Variants in GRIP1 observed in about 807,000 individuals in gnomAD.
GRIP1 encodes glutamate receptor interacting protein 1, also known as glutamate receptor-interacting protein 1.
Under a neutral mutation model 129.9 loss-of-function variants are expected in GRIP1, and 45 were observed. The observed-to-expected ratio is 0.35, with a 90% CI of 0.27 to 0.44. The LOEUF is 0.44. Among genes scored for constraint, GRIP1 ranks in the 20% least tolerant of loss-of-function variants. The pLI, the probability that GRIP1 is intolerant of heterozygous loss-of-function variation, is 1.00. For missense variants in GRIP1, 1,196 were observed against 1,396.8 expected (o/e 0.86, Z 2.29); for synonymous variants, 530 against 520.8 (o/e 1.02, Z -0.24).
chr12:66,946,094 A>G (rs1197844491), intron 1 of GRIP1, among the ~76,000 whole-genome samples: 1 of 152,212 alleles, frequency 6.6e-6, no homozygotes, highest in Non-Finnish European at 1.5e-5. Context: ...AGCACTGCCC[A>G]GTCAACAACT....
chr12:66,867,242 G>T (rs569163755), intron 1 of GRIP1, among the ~76,000 whole-genome samples: 4 of 152,102 alleles, frequency 2.6e-5, no homozygotes, highest in Non-Finnish European at 5.9e-5. Context: ...GCCCGCCTCA[G>T]CCTCCCAAAG....
chr12:66,734,644 TAAAC>T (rs1208737864), intron 1 of GRIP1, among the ~76,000 whole-genome samples: 3 of 152,170 alleles, frequency 2.0e-5, no homozygotes, highest in African/African-American at 7.2e-5. Flanking sequence ...TATTTTAAAA[TAAAC>T]AAGATATTTT....
chr12:66,903,296 ATTTTTT>A lies in GRIP1; in HGVS notation c.58+165748_58+165753del, dbSNP rs5798846. Among the ~76,000 whole-genome samples the A allele has an allele frequency of 9.7e-3, 1,391 of 143,600 alleles. 19 individuals carry two copies. Among genetic ancestry groups the A allele is most frequent in the African/African-American group, 0.033 (1,309 of 39,552 alleles). The allele number at this position is 143,600 out of a possible 152,430, so 94.2% of individuals were successfully genotyped here. A position where few individuals can be genotyped will look rare whatever the true frequency, so the allele number is the denominator to read the frequency against. On this transcript the variant is annotated intron_variant, in intron 1 of 1. Transcript: ENST00000643019. ...TGGCAGAGTGTAAACGTGCTGCAGT[ATTTTTT>A]TTTTTTTTGTAAGTTTAAAAGTCTG...
Position 66,456,719 on chromosome 12 carries a change from A to G in GRIP1, c.1043-377T>C, listed in dbSNP as rs1273234685. Reference sequence around the variant, plus strand: ...TATGGCACACAATTAGTAATTAAAGATTTGCAAATCTTGGCCAGTTAGTAG... The same window carrying G: ...TATGGCACACAATTAGTAATTAAAGGTTTGCAAATCTTGGCCAGTTAGTAG... On this transcript the variant is annotated intron_variant, in intron 9 of 24. Transcript: ENST00000359742. Among the ~76,000 whole-genome samples, 3 of 152,182 alleles carry G rather than the reference A, an allele frequency of 2.0e-5. No homozygotes were observed. The South Asian group carries it at 6.2e-4, about 32-fold the overall frequency.
intron 1 of GRIP1, among the ~76,000 whole-genome samples, chr12:66,907,977 A>C (rs1324899135): frequency 1.3e-5 from 2 of 152,116 alleles, no homozygotes; most frequent in Non-Finnish European, 2.9e-5. Flanking sequence ...GCATTAGCAA[A>C]ATTGGGTTAC....
chr12:66,980,486 C>T (rs1238806062), intron 1 of GRIP1, among the ~76,000 whole-genome samples: 1 of 152,162 alleles, frequency 6.6e-6, no homozygotes, highest in East Asian at 1.9e-4. Flanking sequence ...TGGCACACGT[C>T]TGTAGTCCCA....
intron 1 of GRIP1, among the ~76,000 whole-genome samples, chr12:66,727,250 C>T (rs574615349): frequency 6.6e-6 from 1 of 152,328 alleles, no homozygotes; most frequent in East Asian, 1.9e-4. Flanking sequence ...CAGCTCTGTA[C>T]CCATACCATG....
At chr12:66,525,167 C>G (rs1394147775) in intron 5 of GRIP1, among the ~76,000 whole-genome samples, 1 of 152,174 alleles carries the variant, frequency 6.6e-6, no homozygotes, top group African/African-American at 2.4e-5. Context: ...GGAATCCTCC[C>G]TAACTCAATT....
chr12:66,753,803 G>GA (rs2037201242), intron 1 of GRIP1, among the ~76,000 whole-genome samples: 1 of 152,184 alleles, frequency 6.6e-6, no homozygotes, highest in Admixed American at 6.5e-5. Flanking sequence ...GACACTCAAT[G>GA]AATGTTTACT....
chr12:67,027,603 G>A (rs930635891), intron 1 of GRIP1, among the ~76,000 whole-genome samples: 17 of 152,304 alleles, frequency 1.1e-4, no homozygotes, highest in African/African-American at 4.1e-4. Flanking sequence ...ATGATTAGAA[G>A]CACAGAGTGC....
chr12:66,356,573 G>A (rs987618841), intron 23 of GRIP1, among the ~76,000 whole-genome samples: 2 of 152,192 alleles, frequency 1.3e-5, no homozygotes, highest in South Asian at 4.2e-4. Context: ...ACATATTCTA[G>A]AGTAGAGAGG....
chr12:66,483,126 A>G (rs2059852829), intron 7 of GRIP1, among the ~76,000 whole-genome samples: 1 of 152,172 alleles, frequency 6.6e-6, no homozygotes, highest in Admixed American at 6.5e-5. Context: ...GGGGTAGTGG[A>G]AAGGCTGTGC....
chr12:66,575,700 T>A (rs1434780921), intron 2 of GRIP1, among the ~76,000 whole-genome samples: 1 of 152,158 alleles, frequency 6.6e-6, no homozygotes, highest in Non-Finnish European at 1.5e-5. Context: ...TTTTTCCAAG[T>A]TCTGTAGTCC....
At chr12:66,719,817 T>C (rs2036004641) in intron 1 of GRIP1, among the ~76,000 whole-genome samples, 2 of 152,178 alleles carry the variant, frequency 1.3e-5, no homozygotes, top group South Asian at 4.1e-4. Context: ...TATGTACAAT[T>C]TATAGACGGA....
In GRIP1 at chr12:66,347,453, G is replaced by A. The variant is rs2054017348; in HGVS notation, c.*1566C>T. On this transcript the variant is annotated 3_prime_UTR_variant, in exon 25 of 25. Transcript: ENST00000359742. Reference sequence around the variant, plus strand: ...CAATAATGCATATCCTCTTTATTTGGCTTTTTAAAATCACTGTTTATTCCA... The same window carrying A: ...CAATAATGCATATCCTCTTTATTTGACTTTTTAAAATCACTGTTTATTCCA... 1 of 152,016 alleles carries A rather than the reference G, an allele frequency of 6.6e-6. No homozygotes were observed. The highest frequency in any genetic ancestry group is 2.4e-5 in the African/African-American group (1 of 41,380). 9.4% of individuals were successfully genotyped at this position (152,016 alleles called of 1,614,324 possible).
intron 1 of GRIP1, among the ~76,000 whole-genome samples, chr12:66,603,426 TGAGCAGCAG>T (rs2064370569): frequency 6.6e-6 from 1 of 152,220 alleles, no homozygotes; most frequent in Admixed American, 6.5e-5. Flanking sequence ...GGACCATGGA[TGAGCAGCAG>T]GAGCATACCT....
chr12:66,492,329 T>A (rs2060124767), intron 7 of GRIP1, among the ~76,000 whole-genome samples: 1 of 152,150 alleles, frequency 6.6e-6, no homozygotes, highest in Non-Finnish European at 1.5e-5. Context: ...ACCTCCTTGG[T>A]TTTTATAGGA....
chr12:66,408,953 G>A (rs1592789699), intron 15 of GRIP1, among the ~76,000 whole-genome samples: 1 of 152,048 alleles, frequency 6.6e-6, no homozygotes, highest in African/African-American at 2.4e-5. Flanking sequence ...CTTGAGGAAA[G>A]GATGGGAAGG....
At chr12:67,038,950 T>C (rs1012516572) in intron 1 of GRIP1, among the ~76,000 whole-genome samples, 1 of 152,116 alleles carries the variant, frequency 6.6e-6, no homozygotes, top group African/African-American at 2.4e-5. Flanking sequence ...CCTAAATACG[T>C]ACCACAGCAA....
Sources: allele counts gnomAD v4.1 joint callset (sites outside exome capture counted in the v4.1 genomes callset), GRCh38; gene constraint gnomAD v4.1.1; transcripts MANE v1.5; gene names NCBI Gene and HGNC (gene_info 2026-07-23, HGNC 2026-07-21).